The following NCK1 variants were observed in gnomAD, a reference collection of about 807,000 sequenced individuals.
The protein encoded by NCK1 is NCK adaptor protein 1, also known as SH2/SH3 adapter protein NCK1.
A neutral mutation model predicts 36.6 loss-of-function variants in NCK1; 19 were observed. That is an observed-to-expected ratio of 0.52 (90% CI 0.36 to 0.76). The LOEUF (loss-of-function observed/expected upper bound fraction) is 0.76. Ranked by LOEUF, NCK1 falls within the 30% of genes least tolerant of loss-of-function variation. NCK1 has a pLI of 0.00. For synonymous variants in NCK1, 165 were observed against 156.0 expected, an observed-to-expected ratio of 1.06 and a Z score of -0.43; for missense variants, 358 against 445.6, an observed-to-expected ratio of 0.80 and a Z score of 1.77.
chr3:136,944,121 T>TTTTTTTG, intron 2 of NCK1, among the ~76,000 whole-genome samples: 1 of 136,704 alleles, frequency 7.3e-6, no homozygotes, highest in African/African-American at 3.0e-5. Context: ...CCTTTTTTTT[T>TTTTTTTG]TTTTTTTTTT....
chr3:136,879,107 A>G (rs1319412288), intron 1 of NCK1, among the ~76,000 whole-genome samples: 1 of 140,490 alleles, frequency 7.1e-6, no homozygotes, highest in Admixed American at 7.8e-5. Context: ...GAAATAGAAA[A>G]CAAACTGGGA....
chr3:136,942,843 A>C (rs1576992496), intron 2 of NCK1, among the ~76,000 whole-genome samples: 1 of 152,022 alleles, frequency 6.6e-6, no homozygotes, highest in South Asian at 2.1e-4. Context: ...TTTTGCAAAA[A>C]CCACCCAGGA....
chr3:136,874,838 TGGC>T (rs1675833257), intron 1 of NCK1, among the ~76,000 whole-genome samples: 1 of 152,168 alleles, frequency 6.6e-6, no homozygotes, highest in African/African-American at 2.4e-5. Flanking sequence ...TTGATTTGGT[TGGC>T]TAAGGATTCT....
At chr3:136,881,829 A>C (rs1191705784) in intron 1 of NCK1, among the ~76,000 whole-genome samples, 2 of 152,112 alleles carry the variant, frequency 1.3e-5, no homozygotes, top group Non-Finnish European at 2.9e-5. Context: ...TTGAAGGTTC[A>C]TCCGTTTTGT....
intron 1 of NCK1, among the ~76,000 whole-genome samples, chr3:136,869,215 G>C (rs1277074355): frequency 6.6e-6 from 1 of 151,458 alleles, no homozygotes; most frequent in African/African-American, 2.4e-5. Flanking sequence ...ACTCCGGCCT[G>C]GGTAACAGAG....
At chr3:136,893,506 G>A (rs1939310972) in intron 1 of NCK1, among the ~76,000 whole-genome samples, 2 of 151,756 alleles carry the variant, frequency 1.3e-5, no homozygotes, top group African/African-American at 4.8e-5. Context: ...TTTTTTTCTT[G>A]CTGATCTGAG....
chr3:136,906,031 G>T (rs1337413190), intron 1 of NCK1, among the ~76,000 whole-genome samples: 1 of 152,136 alleles, frequency 6.6e-6, no homozygotes, highest in Non-Finnish European at 1.5e-5. Flanking sequence ...TGGTATCTGT[G>T]CCTCTGGTGT....
At chr3:136,906,782 C>A (rs1560042821) in intron 1 of NCK1, among the ~76,000 whole-genome samples, 1 of 152,058 alleles carries the variant, frequency 6.6e-6, no homozygotes, top group Non-Finnish European at 1.5e-5. Context: ...TGGTTAGTTG[C>A]CAGCTGTGGT....
At chr3:136,911,302 A>C (rs1346191013) in intron 1 of NCK1, among the ~76,000 whole-genome samples, 1 of 152,080 alleles carries the variant, frequency 6.6e-6, no homozygotes, top group Non-Finnish European at 1.5e-5. Context: ...TGGTAGCTCT[A>C]ATTTAGTTTT....
intron 1 of NCK1, among the ~76,000 whole-genome samples, chr3:136,917,232 C>CTT (rs11455373): frequency 0.61 from 85,315 of 139,182 alleles, 26,527 homozygotes; most frequent in East Asian, 0.85. Flanking sequence ...ACATTATGAG[C>CTT]TTTTTTTTTT....
chr3:136,865,715 C>T (rs1938392950), intron 1 of NCK1, among the ~76,000 whole-genome samples: 1 of 152,202 alleles, frequency 6.6e-6, no homozygotes, highest in African/African-American at 2.4e-5. Context: ...AACAAATTCT[C>T]TATAAATACT....
chr3:136,902,273 C>G (rs1939565152), intron 1 of NCK1, among the ~76,000 whole-genome samples: 1 of 148,462 alleles, frequency 6.7e-6, no homozygotes, highest in Non-Finnish European at 1.5e-5. Context: ...TCTCAGCTTA[C>G]TGCAACCTCC....
intron 1 of NCK1, among the ~76,000 whole-genome samples, chr3:136,880,593 T>G (rs987606840): frequency 6.6e-6 from 1 of 152,046 alleles, no homozygotes; most frequent in African/African-American, 2.4e-5. Flanking sequence ...CCACTTGATA[T>G]CTCATGGATC....
intron 1 of NCK1, among the ~76,000 whole-genome samples, chr3:136,892,033 T>G (rs144725818): frequency 0.01 from 1,586 of 152,196 alleles, 11 homozygotes; most frequent in Non-Finnish European, 0.014. Context: ...GGACTATAGG[T>G]GCATGCCACT....
At chr3:136,909,439 A>G (rs1416293392) in intron 1 of NCK1, among the ~76,000 whole-genome samples, 2 of 152,232 alleles carry the variant, frequency 1.3e-5, no homozygotes, top group Non-Finnish European at 2.9e-5. Context: ...TGCCAGGGAT[A>G]CAAAATGAAA....
intron 2 of NCK1, among the ~76,000 whole-genome samples, chr3:136,937,136 T>C (rs1270665651): frequency 6.6e-6 from 1 of 152,200 alleles, no homozygotes; most frequent in East Asian, 1.9e-4. Context: ...TTAATTTTTA[T>C]ATATGATGTG....
intron 1 of NCK1, among the ~76,000 whole-genome samples, chr3:136,892,693 A>G (rs942440775): frequency 6.6e-6 from 1 of 151,988 alleles, no homozygotes; most frequent in Admixed American, 6.5e-5. Flanking sequence ...AATGACCTCT[A>G]GAACTGTGAG....
At chr3:136,937,561 C>T (rs1364146707) in intron 2 of NCK1, among the ~76,000 whole-genome samples, 1 of 152,168 alleles carries the variant, frequency 6.6e-6, no homozygotes, top group African/African-American at 2.4e-5. Flanking sequence ...GTTTTGGATA[C>T]TGTTGCCATC....
intron 1 of NCK1, among the ~76,000 whole-genome samples, chr3:136,867,870 C>G (rs1239098889): frequency 1.3e-5 from 2 of 151,994 alleles, no homozygotes; most frequent in Admixed American, 1.3e-4. Context: ...TTTATGCCTT[C>G]TCATAGATTG....
Sources: allele counts gnomAD v4.1 joint callset (sites outside exome capture counted in the v4.1 genomes callset), GRCh38; gene constraint gnomAD v4.1.1; transcripts MANE v1.5; gene names NCBI Gene and HGNC (gene_info 2026-07-23, HGNC 2026-07-21).